TULP4: variants seen among roughly 807,000 people sequenced by gnomAD.
TULP4 encodes the protein tubby-related protein 4.
Under a neutral mutation model 129.0 loss-of-function variants are expected in TULP4, and 16 were observed. The observed-to-expected ratio is 0.12, with a 90% CI of 0.08 to 0.19. The LOEUF (loss-of-function observed/expected upper bound fraction) is 0.19, where lower values mean the gene tolerates loss of function less well. Ranked by LOEUF, TULP4 falls within the 10% of genes least tolerant of loss-of-function variation. TULP4 has a pLI of 1.00. For synonymous variants in TULP4, 998 were observed against 854.0 expected, an observed-to-expected ratio of 1.17 and a Z score of -2.94; for missense variants, 1,842 against 2,059.1, an observed-to-expected ratio of 0.89 and a Z score of 2.04.
intron 1 of TULP4, among the ~76,000 whole-genome samples, chr6:158,268,035 CT>C (rs773811376): frequency 5.4e-4 from 39 of 72,766 alleles, no homozygotes; most frequent in East Asian, 1.1e-3. Context: ...TTTCTTTTTT[CT>C]TTTTTTTTTT....
rs1583891730 is a variant in TULP4 at position 158,452,197 on chromosome 6, C to G, written c.788C>G (p.Thr263Ser). The G allele has an allele frequency of 6.2e-7, 1 of 1,614,232 alleles. No individual in the cohort carries two copies. The highest frequency in any genetic ancestry group is 1.1e-5 in the South Asian group (1 of 91,082). The change falls in exon 5 of 14, where the codon ACC becomes AGC. Residue 263 changes from threonine (T) to serine (S), a missense_variant. Coordinates refer to ENST00000367097, the MANE Select transcript of TULP4 (RefSeq NM_020245.5). Reference protein sequence around the residue: ...NIKPLLTVSFTSGDISLMNNY... With the variant: ...NIKPLLTVSFSSGDISLMNNY... ...AAGCCTCTGCTCACCGTCAGCTTCA[C>G]CTCGGGAGACATCAGCTTAATGAAC...
At chr6:158,314,327 G>A in intron 1 of TULP4, 59 bp downstream of exon 1, 1 of 1,570,332 alleles carries the variant, frequency 6.4e-7, no homozygotes. Flanking sequence ...TGAGCCCCTT[G>A]TGGACTTGAA....
chr6:158,246,785 T>A (rs1194069862), intron 1 of TULP4, among the ~76,000 whole-genome samples: 1 of 152,206 alleles, frequency 6.6e-6, no homozygotes, highest in Non-Finnish European at 1.5e-5. Flanking sequence ...AATAACAGTC[T>A]CTATACTTAT....
chr6:158,327,365 T>G (rs1372854654), intron 1 of TULP4, among the ~76,000 whole-genome samples: 2 of 152,210 alleles, frequency 1.3e-5, no homozygotes, highest in Non-Finnish European at 2.9e-5. Context: ...GTTCCAGGGC[T>G]TTTTGGTTGT....
intron 1 of TULP4, among the ~76,000 whole-genome samples, chr6:158,325,355 CTT>C (rs10630413): frequency 1.4e-5 from 2 of 139,482 alleles, no homozygotes; most frequent in Non-Finnish European, 3.1e-5. Context: ...AACAGCTTTT[CTT>C]TTTTTTTTTT....
chr6:158,448,193 T>C (rs1053762526), intron 3 of TULP4, among the ~76,000 whole-genome samples: 1 of 152,172 alleles, frequency 6.6e-6, no homozygotes, highest in Non-Finnish European at 1.5e-5. Context: ...TACCTGTCTG[T>C]ATTACCCAGC....
intron 1 of TULP4, among the ~76,000 whole-genome samples, chr6:158,366,064 G>T (rs1046050555): frequency 6.6e-6 from 1 of 150,472 alleles, no homozygotes; most frequent in Admixed American, 6.6e-5. Context: ...CACCACACCC[G>T]GCTAATTTTT....
chr6:158,342,293 A>G (rs1160211416), intron 1 of TULP4, among the ~76,000 whole-genome samples: 2 of 152,180 alleles, frequency 1.3e-5, no homozygotes, highest in East Asian at 1.9e-4. Flanking sequence ...AAATCTTTGT[A>G]AGGCTCTTTC....
chr6:158,452,386 G>T, intron 5 of TULP4, 118 bp downstream of exon 5: 1 of 1,364,614 alleles, frequency 7.3e-7, no homozygotes, highest in South Asian at 1.5e-5. Context: ...ACACCTTCTG[G>T]GCTTCATGGA....
intron 6 of TULP4, among the ~76,000 whole-genome samples, chr6:158,469,986 C>T (rs569573670): frequency 5.7e-4 from 86 of 152,092 alleles, no homozygotes; most frequent in Middle Eastern, 3.4e-3. Flanking sequence ...CTTGGCCTCA[C>T]GGATTCCAAG....
chr6:158,454,027 C>CCCG (rs1779234714), intron 5 of TULP4, among the ~76,000 whole-genome samples: 1 of 148,812 alleles, frequency 6.7e-6, no homozygotes, highest in East Asian at 2.0e-4. Flanking sequence ...CACCGCCCCC[C>CCCG]CCCAAGTAAT....
chr6:158,485,599 C>T (rs903531128), intron 8 of TULP4, among the ~76,000 whole-genome samples: 2 of 152,236 alleles, frequency 1.3e-5, no homozygotes. Context: ...ATTCAGAGAT[C>T]ATTAGGTCCA....
At chr6:158,402,896 T>G (rs1050337309) in intron 1 of TULP4, among the ~76,000 whole-genome samples, 7 of 151,880 alleles carry the variant, frequency 4.6e-5, no homozygotes, top group South Asian at 2.1e-4. Context: ...GAGTTTTTTT[T>G]TTTTTTTTTT....
At chr6:158,326,368 C>T (rs573495994) in intron 1 of TULP4, among the ~76,000 whole-genome samples, 116 of 152,252 alleles carry the variant, frequency 7.6e-4, no homozygotes, top group African/African-American at 2.7e-3. Context: ...ATCTGAGAGT[C>T]CTTTGTCATC....
intron 3 of TULP4, among the ~76,000 whole-genome samples, chr6:158,435,212 G>A (rs1158729154): frequency 2.0e-5 from 3 of 152,210 alleles, no homozygotes; most frequent in African/African-American, 7.2e-5. Context: ...CACAGTCAGG[G>A]TAGCCCCCTG....
At position 158,469,274 on chromosome 6, in the gene TULP4, C is replaced by CT. The variant is rs567645398; in HGVS notation, c.1026+7559dup. 2.3e-3 allele frequency among the ~76,000 whole-genome samples: 322 copies of CT among 142,878 alleles called. 1 individual carries two copies. Among genetic ancestry groups the CT allele is most frequent in the African/African-American group, 2.1e-3 (84 of 39,188 alleles). The allele number at this position is 142,878 out of a possible 152,430, so 93.7% of individuals were successfully genotyped here. A position where few individuals can be genotyped will look rare whatever the true frequency, so the allele number is the denominator to read the frequency against. On this transcript the variant is annotated intron_variant, in intron 6 of 13. Coordinates refer to ENST00000367097, the MANE Select transcript of TULP4 (RefSeq NM_020245.5). Reference sequence around the variant, plus strand: ...GAGGTCAGTACTAGTGAAAACAGACCTTTTTTTTTTTTTTCTCGAGACAGG... The same window carrying CT: ...GAGGTCAGTACTAGTGAAAACAGACCTTTTTTTTTTTTTTTCTCGAGACAGG...
chr6:158,365,576 A>C (rs911263503), intron 1 of TULP4, among the ~76,000 whole-genome samples: 2 of 149,884 alleles, frequency 1.3e-5, no homozygotes, highest in Admixed American at 1.3e-4. Flanking sequence ...TCGCAGGTTC[A>C]CGCCATTCTC....
chr6:158,383,944 G>A (rs1041774525), intron 1 of TULP4, among the ~76,000 whole-genome samples: 2 of 152,206 alleles, frequency 1.3e-5, no homozygotes, highest in Non-Finnish European at 2.9e-5. Flanking sequence ...TGAGAGTAAA[G>A]TAGTTGGATT....
Position 158,461,744 on chromosome 6 carries a change from T to G in TULP4, c.1026+15T>G. The G allele has an allele frequency of 6.2e-7, 1 of 1,610,460 alleles. No homozygotes were observed. Among genetic ancestry groups the G allele is most frequent in the Non-Finnish European group, 8.5e-7 (1 of 1,178,168 alleles). ...CTCTCGTGCAGGTAAGGATGTTCTC[T>G]GGAAACAAGTACATTTTCAGCAGTA... On this transcript the variant is annotated intron_variant, in intron 6 of 13. Transcript: ENST00000367097.
Sources: gnomAD v4.1 joint callset for allele counts (sites outside exome capture counted in the v4.1 genomes callset) on GRCh38, gnomAD v4.1.1 for gene constraint, MANE v1.5 for transcripts, NCBI Gene and HGNC (gene_info 2026-07-23, HGNC 2026-07-21) for gene names.